Variants in DCST2 observed in about 807,000 individuals in gnomAD.
DCST2 encodes the protein DC-STAMP domain-containing protein 2.
Under a neutral mutation model 81.8 loss-of-function variants are expected in DCST2, and 64 were observed. The observed-to-expected ratio is 0.78, with a 90% CI of 0.64 to 0.96. DCST2 has a LOEUF of 0.96. DCST2 is among the 40% of genes least tolerant of loss of function. The probability of loss-of-function intolerance (pLI) is 0.00; values close to 1 mark genes in which losing one functional copy is unlikely to be tolerated. For synonymous variants in DCST2, 354 were observed against 402.6 expected (o/e 0.88, Z 1.44); for missense variants, 945 against 1,001.4 (o/e 0.94, Z 0.76).
intron 4 of DCST2, 110 bp from the exon 5 acceptor site, chr1:155,031,344 C>G (rs1390265556): frequency 8.2e-7 from 1 of 1,218,928 alleles, no homozygotes; most frequent in Non-Finnish European, 1.1e-6. Flanking sequence ...CTATTGGCCT[C>G]CACATTTGCT....
chr1:155,020,811 AT>A (rs1211346667), intron 14 of DCST2, among the ~76,000 whole-genome samples: 428 of 142,060 alleles, frequency 3.0e-3, no homozygotes, highest in Admixed American at 3.2e-3. Context: ...ATCCTACTTG[AT>A]TTTTTTTTTT....
chr1:155,020,532 A>C (rs901402876), intron 14 of DCST2, among the ~76,000 whole-genome samples: 3 of 151,490 alleles, frequency 2.0e-5, no homozygotes, highest in South Asian at 2.1e-4. Context: ...ACCATGCCTA[A>C]TTTTTTGTAT....
At chr1:155,024,063 G>T in intron 11 of DCST2, 104 bp from the exon 12 acceptor site, 2 of 1,452,810 alleles carry the variant, frequency 1.4e-6, no homozygotes, top group Non-Finnish European at 9.3e-7. Flanking sequence ...CTGACTTCCT[G>T]CAGTACATCC....
chr1:155,018,602 G>T lies in DCST2; in HGVS notation c.2264C>A (p.Pro755His). The change falls in exon 15 of 15, where the codon CCC becomes CAC. Residue 755 changes from proline (P) to histidine (H), a missense_variant. By Grantham distance (77) the Pro-to-His change is moderately conservative. Coordinates refer to ENST00000368424, the MANE Select transcript of DCST2 (RefSeq NM_144622.3). Reference sequence around the variant, plus strand: ...AGAGGGAGGTGAGAGAGGGACTGAGGGTTCTGAAGCTGGAGTGGGGGCTCC... The same window carrying T: ...AGAGGGAGGTGAGAGAGGGACTGAGTGTTCTGAAGCTGGAGTGGGGGCTCC... ...TKGAPTPASE[P>H]SVPLSPPSLP... The T allele has an allele frequency of 1.2e-6, 2 of 1,613,792 alleles. No homozygotes were observed. Among genetic ancestry groups the T allele is most frequent in the Non-Finnish European group, 8.5e-7 (1 of 1,179,846 alleles).
chr1:155,024,691 TCTATCCAACTC>T (rs1238633963), intron 10 of DCST2, 89 bp from the exon 11 acceptor site: 9 of 1,352,036 alleles, frequency 6.7e-6, no homozygotes, highest in Non-Finnish European at 8.7e-6. Flanking sequence ...ACCTTTTCCT[TCTATCCAACTC>T]CTATGAATCC....
At chr1:155,033,359 G>C in intron 1 of DCST2, 75 bp downstream of exon 1, 8 of 1,588,458 alleles carry the variant, frequency 5.0e-6, no homozygotes, top group Non-Finnish European at 6.9e-6. Context: ...CTTAACCCCT[G>C]CCTCTCCTCC....
At chr1:155,030,717 G>T in intron 5 of DCST2, 72 bp from the exon 6 acceptor site, 1 of 1,546,366 alleles carries the variant, frequency 6.5e-7, no homozygotes. Context: ...CCTGGGGAGG[G>T]GCCTGGCACA....
At chr1:155,033,045 G>A in intron 2 of DCST2, 49 bp downstream of exon 2, 1 of 1,483,324 alleles carries the variant, frequency 6.7e-7, no homozygotes. Flanking sequence ...GCAGGATGAG[G>A]GGGGCGAGGG....
rs116902685 is a variant in DCST2 at position 155,025,923 on chromosome 1, G to A, written c.1611+379C>T. On this transcript the variant is annotated intron_variant, in intron 10 of 14. Coordinates refer to ENST00000368424, the MANE Select transcript of DCST2 (RefSeq NM_144622.3). ...AGAGGCTCACTTTGTTGCAGAAAGG[G>A]TCTATAACTCCTTGCCTCAAGCAGT... is the stretch of plus-strand genomic sequence containing the variant. Among the ~76,000 whole-genome samples, 10 of 151,302 alleles carry A rather than the reference G, an allele frequency of 6.6e-5. No homozygotes were observed. In the East Asian group the frequency reaches 1.9e-3, roughly 29 times the overall value.
chr1:155,030,494 G>C lies in DCST2; in HGVS notation c.957C>G (p.Val319=). The part of the protein sequence containing the change: ...HEAVSMKLHR[V]REALALMGFT... ...AGCCCATCAGAGCCAGGGCCTCTCG[G>C]ACACGGTGCAGCTTCATGCTGACAG... is the stretch of plus-strand genomic sequence containing the variant. The change falls in exon 6 of 15, where the codon GTC becomes GTG. Residue 319 remains valine, a synonymous_variant. Transcript: ENST00000368424. 6.2e-7 allele frequency: 1 copy of C among 1,614,094 alleles called. No individual in the cohort carries two copies. Among genetic ancestry groups the C allele is most frequent in the Non-Finnish European group, 8.5e-7 (1 of 1,180,012 alleles).
Position 155,024,465 on chromosome 1 carries a change from G to C in DCST2, c.1742+7C>G, listed in dbSNP as rs780427223. 3.8e-6 allele frequency: 6 copies of C among 1,595,988 alleles called. No homozygotes were observed. The highest frequency in any genetic ancestry group is 4.3e-6 in the Non-Finnish European group (5 of 1,170,278). On this transcript the variant is annotated splice_region_variant and intron_variant, in intron 11 of 14. Coordinates refer to ENST00000368424, the MANE Select transcript of DCST2 (RefSeq NM_144622.3). ...CCCCACCCCTATAGAAAAGACAGTG[G>C]CCTCACCGACTGGCCAGCACTAGGA...
chr1:155,029,155 G>A (rs1162522279), intron 8 of DCST2, 78 bp downstream of exon 8: 1 of 1,534,444 alleles, frequency 6.5e-7, no homozygotes, highest in Non-Finnish European at 8.9e-7. Context: ...GAAGGCTTGG[G>A]AGCAGGCGGG....
Position 155,030,130 on chromosome 1 carries a change from T to C in DCST2, c.1131A>G (p.Thr377=), listed in dbSNP as rs1366795750. 22 of 1,613,966 alleles carry C rather than the reference T, an allele frequency of 1.4e-5. No homozygotes were observed. In the Admixed American group the frequency reaches 2.3e-4, roughly 17 times the overall value. Residue 377 remains threonine (T), a synonymous_variant, in exon 7 of 15, where the codon ACA becomes ACG. Coordinates refer to ENST00000368424, the MANE Select transcript of DCST2 (RefSeq NM_144622.3). ...CCTCGTGAGCACTGAGCGGTAGCACTGTGGGCAGCCCTGCCGTGGAGCGCA... is the reference window on the plus strand; with the variant it reads ...CCTCGTGAGCACTGAGCGGTAGCACCGTGGGCAGCCCTGCCGTGGAGCGCA... ...EAVRSTAGLP[T]VLPLSAHEAR... is the part of the protein sequence containing the mutation.
rs138461125 is a variant in DCST2, at chr1:155,031,574, G to C, written c.739C>G (p.Leu247Val). ...FKLALCGLAS[L>V]VQVFCVIPKY... ...CGCTGGCAGACCCTGGTTTTCTCAC[G>C]GCTGGCAAGTCCACAGAGCGCCAGT... Residue 247 changes from leucine to valine, a missense_variant and splice_region_variant, in exon 4 of 15, where the codon CTG becomes GTG. Coordinates refer to ENST00000368424, the MANE Select transcript of DCST2 (RefSeq NM_144622.3). The C allele has an allele frequency of 2.2e-6, 3 of 1,347,168 alleles. No homozygotes were observed. Among genetic ancestry groups the C allele is most frequent in the Middle Eastern group, 2.1e-4 (1 of 4,756 alleles). The allele number at this position is 1,347,168 out of a possible 1,614,324, so 83.5% of individuals were successfully genotyped here.
intron 8 of DCST2, 99 bp downstream of exon 8, chr1:155,029,134 T>C: frequency 4.3e-6 from 6 of 1,405,774 alleles, no homozygotes; most frequent in Non-Finnish European, 5.9e-6. Flanking sequence ...GGACTGAGGA[T>C]GGGAAGAGGA....
chr1:155,024,702 C>A, intron 10 of DCST2, 100 bp from the exon 11 acceptor site: 1 of 1,307,402 alleles, frequency 7.6e-7, no homozygotes, highest in East Asian at 3.0e-5. Context: ...CTATCCAACT[C>A]CTATGAATCC....
chr1:155,026,652 AG>A lies in DCST2; in HGVS notation c.1405del (p.Leu469TrpfsTer33), dbSNP rs1349082584. 6.2e-7 allele frequency: 1 copy of A among 1,614,106 alleles called. No individual in the cohort carries two copies. Among genetic ancestry groups the A allele is most frequent in the Non-Finnish European group, 8.5e-7 (1 of 1,180,050 alleles). ...TGYAGNIYRD[L>X]VSAFDVLQQG... ...CTGCAGGACATCAAATGCTGACACC[AG>A]GTCACGATAAATATTCCCAGCGTAG... is the stretch of plus-strand genomic sequence containing the variant. On this transcript the variant is annotated frameshift_variant, in exon 9 of 15. Coordinates refer to ENST00000368424, the MANE Select transcript of DCST2 (RefSeq NM_144622.3). LOFTEE classifies it high-confidence loss of function.
intron 14 of DCST2, 124 bp downstream of exon 14, chr1:155,022,993 C>T (rs1659793218): frequency 2.1e-6 from 3 of 1,434,016 alleles, no homozygotes; most frequent in Non-Finnish European, 2.8e-6. Context: ...CAGTTACTTC[C>T]CCTCCCCTCA....
chr1:155,026,999 C>T (rs918942429), intron 8 of DCST2, among the ~76,000 whole-genome samples: 5 of 152,042 alleles, frequency 3.3e-5, no homozygotes, highest in Non-Finnish European at 5.9e-5. Context: ...GTCCACCCCC[C>T]GGCCTCCATG....
Sources: allele counts gnomAD v4.1 joint callset (sites outside exome capture counted in the v4.1 genomes callset), GRCh38; gene constraint gnomAD v4.1.1; transcripts MANE v1.5; gene names NCBI Gene and HGNC (gene_info 2026-07-23, HGNC 2026-07-21).